Variants in PLEKHA7 observed in about 807,000 individuals in gnomAD.
PLEKHA7 encodes the protein pleckstrin homology domain containing A7.
Under a neutral mutation model 170.0 loss-of-function variants are expected in PLEKHA7, and 104 were observed. That is an observed-to-expected ratio of 0.61 (90% CI 0.52 to 0.72). PLEKHA7 has a LOEUF of 0.72. Among genes scored for constraint, PLEKHA7 ranks in the 30% least tolerant of loss-of-function variants. PLEKHA7 has a pLI of 0.00. For missense variants in PLEKHA7, 1,615 were observed against 1,671.7 expected (o/e 0.97, Z 0.59); for synonymous variants, 648 against 660.8 (o/e 0.98, Z 0.30).
intron 17 of PLEKHA7, among the ~76,000 whole-genome samples, chr11:16,795,539 C>T (rs1848162921): frequency 6.6e-6 from 1 of 152,122 alleles, no homozygotes; most frequent in Non-Finnish European, 1.5e-5. Context: ...TGTCTGTTAT[C>T]CCCGCACTTT....
intron 10 of PLEKHA7, among the ~76,000 whole-genome samples, chr11:16,823,593 G>T (rs1850410289): frequency 6.6e-6 from 1 of 152,138 alleles, no homozygotes; most frequent in South Asian, 2.1e-4. Flanking sequence ...CCAAGCTCAT[G>T]TCTCTTACCT....
chr11:16,827,763 T>C (rs535219807), intron 9 of PLEKHA7, among the ~76,000 whole-genome samples: 2 of 147,710 alleles, frequency 1.4e-5, no homozygotes, highest in Non-Finnish European at 3.0e-5. Flanking sequence ...TCAGCTCAGA[T>C]GGACTAGAAA....
chr11:16,856,836 A>C (rs934932237), intron 4 of PLEKHA7, among the ~76,000 whole-genome samples: 3 of 152,164 alleles, frequency 2.0e-5, no homozygotes, highest in Non-Finnish European at 4.4e-5. Flanking sequence ...GCCTTCCTCA[A>C]AGTGGAAGTC....
chr11:16,946,370 C>A (rs112813463), intron 3 of PLEKHA7, among the ~76,000 whole-genome samples: 1 of 152,162 alleles, frequency 6.6e-6, no homozygotes, highest in Admixed American at 6.5e-5. Flanking sequence ...GACCTCTCCC[C>A]GAACGAACGT....
rs1865523105 is a variant in PLEKHA7, at chr11:17,014,190, C to CGGAGCTGGTCACTGCGGGCAGA, written c.87-11_97dup (p.Arg33LeufsTer5). ...GCGCGGATGCAGCCAGGTCGTGCAG[C>CGGAGCTGGTCACTGCGGGCAGA]GGAGCTGGTCACTGCGGGCAGAGAG... is the stretch of plus-strand genomic sequence containing the variant. On this transcript the variant is annotated stop_gained and frameshift_variant, in exon 2 of 27. Coordinates refer to ENST00000531066, the MANE Select transcript of PLEKHA7 (RefSeq NM_001329630.2). LOFTEE classifies it high-confidence loss of function. The CGGAGCTGGTCACTGCGGGCAGA allele has an allele frequency of 6.3e-7, 1 of 1,591,264 alleles. No homozygotes were observed. Among genetic ancestry groups the CGGAGCTGGTCACTGCGGGCAGA allele is most frequent in the African/African-American group, 1.4e-5 (1 of 72,516 alleles).
At chr11:16,803,681 C>T (rs775829454) in intron 13 of PLEKHA7, 12 of 215,060 alleles carry the variant, frequency 5.6e-5, no homozygotes, top group Non-Finnish European at 9.5e-5. Flanking sequence ...ACACAAGTTA[C>T]GAAGCCCATC....
chr11:16,797,218 G>C (rs1848294395), intron 17 of PLEKHA7, among the ~76,000 whole-genome samples: 4 of 152,162 alleles, frequency 2.6e-5, no homozygotes, highest in Admixed American at 2.6e-4. Context: ...GCCATCTCTT[G>C]ACGGGGCTGT....
At chr11:17,009,193 G>A (rs538121094) in intron 3 of PLEKHA7, among the ~76,000 whole-genome samples, 15 of 152,286 alleles carry the variant, frequency 9.8e-5, no homozygotes, top group African/African-American at 3.6e-4. Context: ...AAAGACCTAT[G>A]TTCCAGTCCC....
intron 3 of PLEKHA7, among the ~76,000 whole-genome samples, chr11:17,011,515 C>T (rs969902566): frequency 6.6e-6 from 1 of 152,164 alleles, no homozygotes; most frequent in Non-Finnish European, 1.5e-5. Context: ...TGTCTTCACC[C>T]CGTGTTTTAT....
At chr11:16,932,643 T>C (rs1046020916) in intron 3 of PLEKHA7, among the ~76,000 whole-genome samples, 2 of 152,146 alleles carry the variant, frequency 1.3e-5, no homozygotes, top group Admixed American at 1.3e-4. Flanking sequence ...GTAACCACCA[T>C]AGATGTAGTA....
At chr11:16,793,118 GA>G (rs1847971397) in intron 19 of PLEKHA7, among the ~76,000 whole-genome samples, 2 of 152,278 alleles carry the variant, frequency 1.3e-5, no homozygotes, top group African/African-American at 4.8e-5. Context: ...CTACAAAAGG[GA>G]AAATGAGGAG....
chr11:16,830,724 C>T (rs1033310420), intron 9 of PLEKHA7, among the ~76,000 whole-genome samples: 1 of 152,226 alleles, frequency 6.6e-6, no homozygotes. Context: ...ACAGCCCCCA[C>T]TGGGACAGGC....
At chr11:16,900,598 T>G (rs1857266255) in intron 3 of PLEKHA7, among the ~76,000 whole-genome samples, 1 of 152,164 alleles carries the variant, frequency 6.6e-6, no homozygotes, top group African/African-American at 2.4e-5. Context: ...TAAATAAAAT[T>G]GTACACAAAA....
chr11:16,798,631 T>C (rs1848395431), intron 17 of PLEKHA7, among the ~76,000 whole-genome samples: 2 of 152,164 alleles, frequency 1.3e-5, no homozygotes, highest in Admixed American at 6.5e-5. Context: ...CTAGTAAAAC[T>C]AAAAAGATCA....
intron 3 of PLEKHA7, among the ~76,000 whole-genome samples, chr11:16,993,570 A>G (rs1164960849): frequency 6.6e-6 from 1 of 152,118 alleles, no homozygotes; most frequent in Non-Finnish European, 1.5e-5. Context: ...TGAGCCAGGG[A>G]CACTGTTTCC....
intron 8 of PLEKHA7, 99 bp downstream of exon 8, chr11:16,851,092 T>A: frequency 3.5e-6 from 3 of 858,962 alleles, no homozygotes; most frequent in Non-Finnish European, 1.7e-6. Context: ...ACTCTCTAGC[T>A]TCTTCCCCCT....
At chr11:16,822,982 A>ATTATTTATTTAT (rs147244386) in intron 10 of PLEKHA7, among the ~76,000 whole-genome samples, 67 of 150,024 alleles carry the variant, frequency 4.5e-4, no homozygotes, top group African/African-American at 1.4e-3. Context: ...GTATGTATGT[A>ATTATTTATTTAT]TTATTTATTT....
At chr11:16,892,570 A>G (rs550015307) in intron 3 of PLEKHA7, among the ~76,000 whole-genome samples, 29 of 150,404 alleles carry the variant, frequency 1.9e-4, no homozygotes, top group Non-Finnish European at 3.7e-4. Context: ...CTCAGCCTCC[A>G]AAGTAGCTGG....
At chr11:16,847,731 A>G (rs1170749913) in intron 8 of PLEKHA7, among the ~76,000 whole-genome samples, 1 of 151,448 alleles carries the variant, frequency 6.6e-6, no homozygotes, top group Non-Finnish European at 1.5e-5. Flanking sequence ...AATCCCAGCC[A>G]CTCGGAAGGC....
Sources: gnomAD v4.1 joint callset for allele counts (sites outside exome capture counted in the v4.1 genomes callset) on GRCh38, gnomAD v4.1.1 for gene constraint, MANE v1.5 for transcripts, NCBI Gene and HGNC (gene_info 2026-07-23, HGNC 2026-07-21) for gene names.